The following SLC39A11 variants were observed in gnomAD, a reference collection of about 807,000 sequenced individuals.
SLC39A11 encodes solute carrier family 39 member 11, also known as zinc transporter ZIP11.
Under a neutral mutation model 36.1 loss-of-function variants are expected in SLC39A11, and 33 were observed. The ratio of observed to expected loss-of-function variants is 0.91; its 90% CI spans 0.69 to 1.22. The LOEUF (loss-of-function observed/expected upper bound fraction) is 1.22. SLC39A11 is among the 50% of genes most tolerant of loss of function. The pLI is 0.00. For missense variants in SLC39A11, 432 were observed against 430.3 expected, an observed-to-expected ratio of 1.00 and a Z score of -0.03; for synonymous variants, 166 against 170.3, an observed-to-expected ratio of 0.97 and a Z score of 0.20.
At chr17:72,958,766 G>T (rs1267170343) in intron 4 of SLC39A11, among the ~76,000 whole-genome samples, 1 of 151,816 alleles carries the variant, frequency 6.6e-6, no homozygotes, top group Non-Finnish European at 1.5e-5. Context: ...TGCAAGAATT[G>T]CTTGAACCTG....
chr17:72,742,899 A>G (rs1280965896), intron 6 of SLC39A11, among the ~76,000 whole-genome samples: 4 of 152,222 alleles, frequency 2.6e-5, no homozygotes, highest in Non-Finnish European at 5.9e-5. Flanking sequence ...TAAAAGTGTC[A>G]TCTTAAACCG....
chr17:72,836,736 C>A (rs781316300), intron 6 of SLC39A11, among the ~76,000 whole-genome samples: 1 of 152,100 alleles, frequency 6.6e-6, no homozygotes, highest in Non-Finnish European at 1.5e-5. Flanking sequence ...CTTTATACAG[C>A]GTCTGGAACC....
intron 7 of SLC39A11, among the ~76,000 whole-genome samples, chr17:72,733,009 G>C (rs529887804): frequency 6.6e-6 from 1 of 152,300 alleles, no homozygotes; most frequent in South Asian, 2.1e-4. Flanking sequence ...GGACCAGTGG[G>C]TGGAGTTTTA....
rs143526316 is a variant in SLC39A11, at chr17:72,775,338, C to T, written c.602-38619G>A. Reference sequence around the variant, plus strand: ...CATCAGCATCATCTGTGACCCTCCTCGAAACACACACCTGGATTCAGAGAA... The same window carrying T: ...CATCAGCATCATCTGTGACCCTCCTTGAAACACACACCTGGATTCAGAGAA... On this transcript the variant is annotated intron_variant, in intron 6 of 9. Coordinates refer to ENST00000255559, the MANE Select transcript of SLC39A11 (RefSeq NM_139177.4). Among the ~76,000 whole-genome samples the T allele has an allele frequency of 6.9e-3, 1,049 of 152,230 alleles. 6 individuals carry two copies. The highest frequency in any genetic ancestry group is 0.012 in the Admixed American group (176 of 15,294).
intron 6 of SLC39A11, among the ~76,000 whole-genome samples, chr17:72,764,095 T>TA (rs1471204551): frequency 1.3e-5 from 2 of 152,162 alleles, no homozygotes; most frequent in Admixed American, 1.3e-4. Context: ...ACTCTGAAGT[T>TA]AGAGTCCAGT....
chr17:72,898,439 A>T (rs2082142472), intron 5 of SLC39A11, among the ~76,000 whole-genome samples: 1 of 152,228 alleles, frequency 6.6e-6, no homozygotes, highest in South Asian at 2.1e-4. Flanking sequence ...TGGTCCCCAG[A>T]GGAGGGAAGG....
chr17:72,791,487 C>G (rs2076702103), intron 6 of SLC39A11, among the ~76,000 whole-genome samples: 1 of 152,182 alleles, frequency 6.6e-6, no homozygotes, highest in African/African-American at 2.4e-5. Flanking sequence ...TTGACAGCCA[C>G]TGCACTAAGA....
chr17:72,963,331 C>G lies in SLC39A11; in HGVS notation c.307-15456G>C, dbSNP rs1012761007. 2.0e-5 allele frequency among the ~76,000 whole-genome samples: 3 copies of G among 151,574 alleles called. No homozygotes were observed. In the East Asian group the frequency reaches 5.8e-4, roughly 29 times the overall value. ...GACTACAGGCGCCCGCCACCACGCC[C>G]GGCTAATTTTTTGTATTTTTAGTAG... On this transcript the variant is annotated intron_variant, in intron 4 of 9. Coordinates refer to ENST00000255559, the MANE Select transcript of SLC39A11 (RefSeq NM_139177.4).
At chr17:72,954,037 T>C (rs1568014267) in intron 4 of SLC39A11, among the ~76,000 whole-genome samples, 1 of 152,184 alleles carries the variant, frequency 6.6e-6, no homozygotes, top group African/African-American at 2.4e-5. Context: ...CTCTTCGTTT[T>C]TTTAAATTTT....
At chr17:73,065,460 T>C (rs752361558) in intron 3 of SLC39A11, among the ~76,000 whole-genome samples, 7 of 152,060 alleles carry the variant, frequency 4.6e-5, no homozygotes, top group Non-Finnish European at 8.8e-5. Context: ...GTTAACAAAA[T>C]CAAGTCATGC....
chr17:72,649,144 T>C (rs773634035), intron 8 of SLC39A11, 26 bp downstream of exon 8: 8 of 1,601,894 alleles, frequency 5.0e-6, no homozygotes, highest in Non-Finnish European at 6.0e-6. Context: ...TGCTGTGACA[T>C]GGCCTTGCCC....
chr17:72,673,554 C>G (rs1328759710), intron 7 of SLC39A11, among the ~76,000 whole-genome samples: 1 of 152,094 alleles, frequency 6.6e-6, no homozygotes, highest in Non-Finnish European at 1.5e-5. Flanking sequence ...AATGTTTGCA[C>G]AGTTTTTTTT....
intron 4 of SLC39A11, among the ~76,000 whole-genome samples, chr17:73,025,472 G>A (rs1183014596): frequency 6.6e-6 from 1 of 152,218 alleles, no homozygotes; most frequent in African/African-American, 2.4e-5. Context: ...GCAAACATAT[G>A]TAAAAGCACA....
At chr17:72,705,420 G>C (rs1268143331) in intron 7 of SLC39A11, among the ~76,000 whole-genome samples, 1 of 152,160 alleles carries the variant, frequency 6.6e-6, no homozygotes, top group Non-Finnish European at 1.5e-5. Context: ...TCATAGAATT[G>C]GTTCCTGTGT....
At chr17:73,068,357 G>A in intron 3 of SLC39A11, 1 of 515,294 alleles carries the variant, frequency 1.9e-6, no homozygotes, top group Non-Finnish European at 3.4e-6. Flanking sequence ...ATTATTCTCA[G>A]TCAAATCTAA....
intron 5 of SLC39A11, among the ~76,000 whole-genome samples, chr17:72,866,319 C>A (rs1277639371): frequency 6.6e-6 from 1 of 152,134 alleles, no homozygotes; most frequent in Non-Finnish European, 1.5e-5. Flanking sequence ...CAGATGGGAC[C>A]ATTTAGTTGC....
At chr17:72,987,435 G>T (rs376314752) in intron 4 of SLC39A11, among the ~76,000 whole-genome samples, 44 of 152,204 alleles carry the variant, frequency 2.9e-4, no homozygotes, top group African/African-American at 9.4e-4. Flanking sequence ...GAGTGAATGG[G>T]GCACTTAGCA....
At chr17:72,926,763 T>G (rs1263117193) in intron 5 of SLC39A11, among the ~76,000 whole-genome samples, 3 of 152,142 alleles carry the variant, frequency 2.0e-5, no homozygotes, top group Non-Finnish European at 4.4e-5. Flanking sequence ...GTTGTTATCT[T>G]TGACCCCAAA....
chr17:72,815,722 G>A (rs1568136412), intron 6 of SLC39A11, among the ~76,000 whole-genome samples: 1 of 152,200 alleles, frequency 6.6e-6, no homozygotes, highest in Non-Finnish European at 1.5e-5. Flanking sequence ...AGGAGTTTGA[G>A]ACCAGTCTGG....
Sources: allele counts gnomAD v4.1 joint callset (sites outside exome capture counted in the v4.1 genomes callset), GRCh38; gene constraint gnomAD v4.1.1; transcripts MANE v1.5; gene names NCBI Gene and HGNC (gene_info 2026-07-23, HGNC 2026-07-21).